Variants in N4BP2 observed in about 807,000 individuals in gnomAD.
N4BP2 encodes NEDD4 binding protein 2.
A neutral mutation model predicts 152.8 loss-of-function variants in N4BP2; 91 were observed. The ratio of observed to expected loss-of-function variants is 0.60; its 90% CI spans 0.50 to 0.71. The LOEUF is 0.71. Among genes scored for constraint, N4BP2 ranks in the 30% least tolerant of loss-of-function variants. The pLI is 0.00. For synonymous variants in N4BP2, 646 were observed against 705.3 expected (o/e 0.92, Z 1.33); for missense variants, 1,923 against 2,059.1 (o/e 0.93, Z 1.28).
chr4:40,100,678 T>C (rs1354523015), intron 3 of N4BP2, among the ~76,000 whole-genome samples: 2 of 152,166 alleles, frequency 1.3e-5, no homozygotes, highest in Non-Finnish European at 2.9e-5. Context: ...GGCCTTAAAA[T>C]TTCTAATGGC....
chr4:40,121,507 A>T lies in N4BP2; in HGVS notation c.3396A>T (p.Leu1132Phe), dbSNP rs1427000292. Residue 1132 changes from leucine (L) to phenylalanine (F), a missense_variant, in exon 9 of 18, where the codon TTA becomes TTT. Leu to Phe is a conservative substitution (Grantham distance 22, BLOSUM62 0). Transcript: ENST00000261435. Reference protein sequence around the residue: ...TSLLLDSETKLCEDTEFENFQ... With the variant: ...TSLLLDSETKFCEDTEFENFQ... ...TTTTGTTGGATTCTGAAACTAAGTT[A>T]TGTGAGGATACAGAGTTTGAGAATT... 6.2e-7 allele frequency: 1 copy of T among 1,614,180 alleles called. No individual in the cohort carries two copies. Among genetic ancestry groups the T allele is most frequent in the Non-Finnish European group, 8.5e-7 (1 of 1,180,018 alleles).
chr4:40,112,285 T>A (rs1208549591), intron 6 of N4BP2, 113 bp downstream of exon 6: 1 of 646,224 alleles, frequency 1.5e-6, no homozygotes, highest in Non-Finnish European at 2.7e-6. Context: ...TTGGATAGTC[T>A]GTAAATGAGC....
At chr4:40,133,036 G>A (rs895545738) in intron 13 of N4BP2, among the ~76,000 whole-genome samples, 7 of 152,048 alleles carry the variant, frequency 4.6e-5, no homozygotes, top group Non-Finnish European at 8.8e-5. Flanking sequence ...CTCTGCTGTG[G>A]AAAGTTTAAA....
intron 3 of N4BP2, among the ~76,000 whole-genome samples, chr4:40,098,651 T>C (rs994370216): frequency 1.3e-5 from 2 of 152,242 alleles, no homozygotes; most frequent in African/African-American, 4.8e-5. Flanking sequence ...AGAAAACCAG[T>C]TGTCAGCAGT....
downstream of N4BP2, among the ~76,000 whole-genome samples, chr4:40,160,910 C>T (rs794020): frequency 0.025 from 3,753 of 152,196 alleles, 56 homozygotes; most frequent in Middle Eastern, 0.068. Context: ...GACTTAAAGA[C>T]TAAGACACTC....
chr4:40,148,475 A>G (rs749324357), intron 16 of N4BP2, among the ~76,000 whole-genome samples: 66 of 77,846 alleles, frequency 8.5e-4, no homozygotes, highest in South Asian at 1.9e-3. Flanking sequence ...GGGGAGAGGG[A>G]GAGGGGGAGG....
chr4:40,059,542 T>G (rs943070790), intron 1 of N4BP2, among the ~76,000 whole-genome samples: 1 of 151,644 alleles, frequency 6.6e-6, no homozygotes, highest in South Asian at 2.1e-4. Flanking sequence ...TAGGGATGGG[T>G]TTTTGTCATG....
At position 40,129,879 on chromosome 4, in the gene N4BP2, G is replaced by T. The variant is rs138260728; in HGVS notation, c.4528-1922G>T. Among the ~76,000 whole-genome samples, 59 of 152,156 alleles carry T rather than the reference G, an allele frequency of 3.9e-4. No individual in the cohort carries two copies. The East Asian group carries it at 0.011, about 27-fold the overall frequency. ...TAACTTTAGACATAATATATGAATA[G>T]AATAATTAATTTTAAGATGATTAAG... On this transcript the variant is annotated intron_variant, in intron 12 of 17. Transcript: ENST00000261435.
At position 40,142,821 on chromosome 4, in the gene N4BP2, G is replaced by A. The variant is rs766759135; in HGVS notation, c.4934G>A (p.Arg1645Gln). Reference sequence around the variant, plus strand: ...TACAGCAAGGCCAAAGAAGCTTATCGGATAGGGAAAAAAAATGTCGCCACC... The same window carrying A: ...TACAGCAAGGCCAAAGAAGCTTATCAGATAGGGAAAAAAAATGTCGCCACC... Reference protein sequence around the residue: ...ECYSKAKEAYRIGKKNVATFY... With the variant: ...ECYSKAKEAYQIGKKNVATFY... Residue 1645 changes from arginine (R) to glutamine (Q), a missense_variant, in exon 15 of 18, where the codon CGG becomes CAG. Arg to Gln is a conservative substitution (Grantham distance 43). Coordinates refer to ENST00000261435, the MANE Select transcript of N4BP2 (RefSeq NM_018177.6). 13 of 1,613,694 alleles carry A rather than the reference G, an allele frequency of 8.1e-6. No homozygotes were observed. Among genetic ancestry groups the A allele is most frequent in the Middle Eastern group, 1.7e-4 (1 of 6,060 alleles).
chr4:40,169,255 A>G, the N4BP2 span, among the ~76,000 whole-genome samples: 2 of 151,728 alleles, frequency 1.3e-5, no homozygotes, highest in South Asian at 4.1e-4. Flanking sequence ...GGTGGCACAC[A>G]CCTATAATCC....
At chr4:40,175,435 G>T in the N4BP2 span, among the ~76,000 whole-genome samples, 1 of 152,054 alleles carries the variant, frequency 6.6e-6, no homozygotes, top group Non-Finnish European at 1.5e-5. Context: ...AGGATGGGGG[G>T]ATACAAAGTA....
At chr4:40,076,164 T>C (rs1269870280) in intron 2 of N4BP2, among the ~76,000 whole-genome samples, 1 of 152,204 alleles carries the variant, frequency 6.6e-6, no homozygotes, top group African/African-American at 2.4e-5. Flanking sequence ...TACTTTAATT[T>C]GGTTACATTT....
At chr4:40,111,747 C>G (rs375604805) in intron 5 of N4BP2, among the ~76,000 whole-genome samples, 1 of 152,054 alleles carries the variant, frequency 6.6e-6, no homozygotes, top group Non-Finnish European at 1.5e-5. Context: ...TCCTGAGTAG[C>G]TGGGACTACA....
At chr4:40,150,654 G>A (rs528562789) in intron 16 of N4BP2, among the ~76,000 whole-genome samples, 1 of 143,932 alleles carries the variant, frequency 6.9e-6, no homozygotes, top group East Asian at 2.1e-4. Flanking sequence ...CTGGGCAACA[G>A]AGTGAGACTC....
Position 40,122,098 on chromosome 4 carries a change from A to T in N4BP2, c.3987A>T (p.Glu1329Asp). The T allele has an allele frequency of 6.3e-7, 1 of 1,581,042 alleles. No homozygotes were observed. Among genetic ancestry groups the T allele is most frequent in the Non-Finnish European group, 8.6e-7 (1 of 1,160,746 alleles). The change falls in exon 9 of 18, where the codon GAA becomes GAT. Residue 1329 changes from glutamate (E) to aspartate (D), a missense_variant. By Grantham distance (45) the Glu-to-Asp change is conservative. Transcript: ENST00000261435. ...ATGTGAAATTTTCAGATGAAGAAGA[A>T]TTTATGAATGAAGATGAGAAGGAAA... Reference protein sequence around the residue: ...KDYVKFSDEEEFMNEDEKEMK... With the variant: ...KDYVKFSDEEDFMNEDEKEMK...
chr4:40,144,021 A>G (rs1280168225), intron 15 of N4BP2, among the ~76,000 whole-genome samples: 1 of 152,114 alleles, frequency 6.6e-6, no homozygotes, highest in Non-Finnish European at 1.5e-5. Flanking sequence ...CCTCAGAACC[A>G]GGGATACTGA....
chr4:40,163,351 G>A, the N4BP2 span, among the ~76,000 whole-genome samples: 1 of 152,260 alleles, frequency 6.6e-6, no homozygotes, highest in African/African-American at 2.4e-5. Context: ...AGCTCTTTTT[G>A]TTCAGGCATC....
intron 2 of N4BP2, among the ~76,000 whole-genome samples, chr4:40,090,580 C>T (rs1248872188): frequency 1.3e-5 from 2 of 152,096 alleles, no homozygotes; most frequent in East Asian, 1.9e-4. Context: ...TTTCGTTCAA[C>T]GTCATTCTGT....
downstream of N4BP2, among the ~76,000 whole-genome samples, chr4:40,162,249 C>A (rs1057342398): frequency 2.6e-5 from 4 of 152,110 alleles, no homozygotes; most frequent in Admixed American, 1.3e-4. Context: ...TGCCTGTAAT[C>A]CCAACACTTC....
Sources: allele counts gnomAD v4.1 joint callset (sites outside exome capture counted in the v4.1 genomes callset), GRCh38; gene constraint gnomAD v4.1.1; transcripts MANE v1.5; gene names NCBI Gene and HGNC (gene_info 2026-07-23, HGNC 2026-07-21).